The following RHBDL2 variants were observed in gnomAD, a reference collection of about 807,000 sequenced individuals.
RHBDL2 encodes rhomboid-related protein 2.
RHBDL2 carries 26 observed loss-of-function variants against 31.7 expected under a neutral mutation model. The observed-to-expected ratio is 0.82, with a 90% CI of 0.60 to 1.14. The LOEUF (loss-of-function observed/expected upper bound fraction) is 1.14, where lower values mean the gene tolerates loss of function less well. Ranked by LOEUF, RHBDL2 falls within the 50% of genes most tolerant of loss-of-function variation. RHBDL2 has a pLI of 0.00. For missense variants in RHBDL2, 336 were observed against 364.4 expected (o/e 0.92, Z 0.63); for synonymous variants, 123 against 127.2 (o/e 0.97, Z 0.22).
At chr1:38,920,773 A>ATT (rs370633950) in intron 1 of RHBDL2, among the ~76,000 whole-genome samples, 3,150 of 137,288 alleles carry the variant, frequency 0.023, 47 homozygotes, top group Middle Eastern at 0.093. Flanking sequence ...CACCTGGCTA[A>ATT]TTTTTTTTTT....
chr1:38,887,967 G>T lies in RHBDL2; in HGVS notation c.728C>A (p.Ser243Tyr). 6.2e-7 allele frequency: 1 copy of T among 1,606,454 alleles called. No homozygotes were observed. Among genetic ancestry groups the T allele is most frequent in the Non-Finnish European group, 8.5e-7 (1 of 1,173,322 alleles). The change falls in exon 7 of 8, where the codon TCT becomes TAT. Residue 243 changes from serine (S) to tyrosine (Y), a missense_variant. Coordinates refer to ENST00000372990, the MANE Select transcript of RHBDL2 (RefSeq NM_017821.5). ...AAAGAAAGAAACTGAACTCACCGGA[G>T]ACCCATCTTCAGGAACAAAGAACCT... ...YRRFFVPEDG[S>Y]PVSFAAHIAG...
At chr1:38,919,740 A>ATT (rs1337151994) in intron 1 of RHBDL2, among the ~76,000 whole-genome samples, 3 of 151,648 alleles carry the variant, frequency 2.0e-5, no homozygotes, top group East Asian at 2.0e-4. Context: ...TCCCTGGCTA[A>ATT]TTTTTGTATT....
chr1:38,890,768 C>T (rs1444185871), intron 6 of RHBDL2, among the ~76,000 whole-genome samples: 2 of 151,528 alleles, frequency 1.3e-5, no homozygotes, highest in Admixed American at 6.6e-5. Flanking sequence ...GGCATGTTCA[C>T]GGCTCACTGC....
At chr1:38,890,652 C>A (rs1452141418) in intron 6 of RHBDL2, among the ~76,000 whole-genome samples, 1 of 152,100 alleles carries the variant, frequency 6.6e-6, no homozygotes, top group African/African-American at 2.4e-5. Flanking sequence ...GAAGCCAAAC[C>A]ATTGTCCTCC....
intron 4 of RHBDL2, among the ~76,000 whole-genome samples, chr1:38,903,034 T>C (rs899876023): frequency 6.6e-6 from 1 of 152,168 alleles, no homozygotes; most frequent in Non-Finnish European, 1.5e-5. Context: ...ACAAAAAGCT[T>C]CTAGAAGTAA....
At chr1:38,910,753 C>CTTTTT (rs765064879) in intron 4 of RHBDL2, among the ~76,000 whole-genome samples, 83 of 111,008 alleles carry the variant, frequency 7.5e-4, no homozygotes, top group Middle Eastern at 5.1e-3. Context: ...TATTCCTTTT[C>CTTTTT]TTTTTTTTTT....
At chr1:38,929,537 A>C in intron 1 of RHBDL2, 1 of 1,289,352 alleles carries the variant, frequency 7.8e-7, no homozygotes. Context: ...AAATATCTGA[A>C]TTGTTTTTTC....
chr1:38,935,895 T>A (rs1356603887), intron 1 of RHBDL2, among the ~76,000 whole-genome samples: 1 of 152,130 alleles, frequency 6.6e-6, no homozygotes, highest in Admixed American at 6.6e-5. Context: ...ATGACAGGTA[T>A]GAGCCACCAC....
chr1:38,902,201 CTTTTTT>C (rs770169792), intron 4 of RHBDL2, among the ~76,000 whole-genome samples: 7 of 92,820 alleles, frequency 7.5e-5, no homozygotes, highest in Middle Eastern at 0.011. Context: ...TTTTCTTTTT[CTTTTTT>C]TTTTTTTTTT....
intron 4 of RHBDL2, among the ~76,000 whole-genome samples, chr1:38,908,442 G>A (rs1363969199): frequency 6.6e-6 from 1 of 150,476 alleles, no homozygotes; most frequent in Non-Finnish European, 1.5e-5. Flanking sequence ...AACCCAGGAG[G>A]TGGAGGTTGC....
At chr1:38,894,796 T>C (rs1642895702) in intron 5 of RHBDL2, among the ~76,000 whole-genome samples, 2 of 140,962 alleles carry the variant, frequency 1.4e-5, no homozygotes, top group African/African-American at 5.3e-5. Context: ...AACCTCCGCC[T>C]TCCAGGTTCA....
chr1:38,937,707 T>TG (rs1168834053), intron 1 of RHBDL2, among the ~76,000 whole-genome samples: 1 of 152,154 alleles, frequency 6.6e-6, no homozygotes, highest in Non-Finnish European at 1.5e-5. Context: ...CACAAGGTAT[T>TG]GCAAGTAGTA....
chr1:38,893,108 G>GTCTAAACA, intron 6 of RHBDL2, 56 bp downstream of exon 6: 3 of 1,009,508 alleles, frequency 3.0e-6, no homozygotes, highest in Non-Finnish European at 4.6e-6. Context: ...TTAGAGATTT[G>GTCTAAACA]TCTCTATATT....
At chr1:38,910,916 T>TTATAGGGGTGAGCATATAGGGGTGAGCA (rs57217807) in intron 4 of RHBDL2, among the ~76,000 whole-genome samples, 1 of 150,438 alleles carries the variant, frequency 6.6e-6, no homozygotes, top group Non-Finnish European at 1.5e-5. Context: ...GTAGCTGGGA[T>TTATAGGGGTGAGCATATAGGGGTGAGCA]TATAGGGGTG....
chr1:38,934,251 G>A (rs1329344380), intron 1 of RHBDL2, among the ~76,000 whole-genome samples: 2 of 152,024 alleles, frequency 1.3e-5, no homozygotes, highest in Admixed American at 6.6e-5. Context: ...AGGGGGCTGA[G>A]GCAAGAGAAT....
chr1:38,932,432 T>C (rs947804491), intron 1 of RHBDL2, among the ~76,000 whole-genome samples: 2 of 152,078 alleles, frequency 1.3e-5, no homozygotes, highest in South Asian at 2.1e-4. Flanking sequence ...TGCATAATTA[T>C]GAAGAAATAA....
At chr1:38,910,769 T>TG in intron 4 of RHBDL2, among the ~76,000 whole-genome samples, 3 of 144,472 alleles carry the variant, frequency 2.1e-5, no homozygotes, top group Admixed American at 7.0e-5. Context: ...TTTTTTTTTT[T>TG]TTTTGTTTGT....
At chr1:38,915,029 A>G (rs1173272078) in intron 3 of RHBDL2, among the ~76,000 whole-genome samples, 1 of 141,990 alleles carries the variant, frequency 7.0e-6, no homozygotes, top group East Asian at 2.0e-4. Flanking sequence ...ACTCCATCTC[A>G]AAAAAAAAAA....
chr1:38,924,683 T>G (rs1200501583), intron 1 of RHBDL2, among the ~76,000 whole-genome samples: 1 of 151,660 alleles, frequency 6.6e-6, no homozygotes, highest in Non-Finnish European at 1.5e-5. Flanking sequence ...ACAGAGCCAG[T>G]GTATTGGCCA....
Sources: gnomAD v4.1 joint callset for allele counts (sites outside exome capture counted in the v4.1 genomes callset) on GRCh38, gnomAD v4.1.1 for gene constraint, MANE v1.5 for transcripts, NCBI Gene and HGNC (gene_info 2026-07-23, HGNC 2026-07-21) for gene names.